The following GHR variants were observed in gnomAD, a reference collection of about 807,000 sequenced individuals.
The protein encoded by GHR is GH receptor.
Under a neutral mutation model 67.1 loss-of-function variants are expected in GHR, and 35 were observed. The ratio of observed to expected loss-of-function variants is 0.52; its 90% CI spans 0.40 to 0.69. The LOEUF is 0.69. Among genes scored for constraint, GHR ranks in the 30% least tolerant of loss-of-function variants. GHR has a pLI of 0.00. For missense variants in GHR, 792 were observed against 764.6 expected, an observed-to-expected ratio of 1.04 and a Z score of -0.42; for synonymous variants, 272 against 269.1, an observed-to-expected ratio of 1.01 and a Z score of -0.10.
chr5:42,427,277 C>A (rs767939008), intron 1 of GHR, among the ~76,000 whole-genome samples: 3 of 152,186 alleles, frequency 2.0e-5, no homozygotes, highest in Non-Finnish European at 4.4e-5. Context: ...TTAATGGATT[C>A]ACAGTTCCAC....
At chr5:42,602,092 T>C (rs1349229787) in intron 2 of GHR, among the ~76,000 whole-genome samples, 1 of 152,216 alleles carries the variant, frequency 6.6e-6, no homozygotes, top group Non-Finnish European at 1.5e-5. Context: ...GTATACAACA[T>C]GATGTTTTTT....
intron 1 of GHR, chr5:42,565,565 A>G (rs1391890277): frequency 1.0e-6 from 1 of 985,360 alleles, no homozygotes; most frequent in African/African-American, 1.7e-5. Flanking sequence ...GAAGCTGTGC[A>G]TGGGGGTCGT....
At chr5:42,511,790 C>T (rs1329987693) in intron 1 of GHR, among the ~76,000 whole-genome samples, 1 of 152,112 alleles carries the variant, frequency 6.6e-6, no homozygotes, top group African/African-American at 2.4e-5. Context: ...GCTGTTCACA[C>T]TACCCTTCGG....
intron 3 of GHR, among the ~76,000 whole-genome samples, chr5:42,652,311 G>A (rs754352290): frequency 1.6e-4 from 25 of 152,056 alleles, no homozygotes; most frequent in Non-Finnish European, 3.4e-4. Flanking sequence ...TGGTGAAGTT[G>A]ACACTTTCTG....
At position 42,511,360 on chromosome 5, in the gene GHR, ATATAT is replaced by A. The variant is rs1399488332; in HGVS notation, c.-11-54499_-11-54495del. On this transcript the variant is annotated intron_variant, in intron 1 of 9. Coordinates refer to ENST00000230882, the MANE Select transcript of GHR (RefSeq NM_000163.5). The stretch of plus-strand genomic sequence containing the variant: ...TCTCCATAGTATTTATCATCATCTG[ATATAT>A]TATAATACTCATGTATTGGCTGAAC... Among the ~76,000 whole-genome samples the A allele has an allele frequency of 3.3e-5, 5 of 152,334 alleles. No homozygotes were observed. The East Asian group carries it at 5.8e-4, about 18-fold the overall frequency.
chr5:42,458,741 C>T (rs577075453), intron 1 of GHR, among the ~76,000 whole-genome samples: 6 of 152,126 alleles, frequency 3.9e-5, no homozygotes, highest in Admixed American at 2.0e-4. Context: ...ACTATACATC[C>T]GACAAAAGTC....
chr5:42,541,800 A>G (rs977484599), intron 1 of GHR, among the ~76,000 whole-genome samples: 1 of 152,180 alleles, frequency 6.6e-6, no homozygotes, highest in African/African-American at 2.4e-5. Context: ...CTTATGGGGT[A>G]TCAGTGAAAG....
intron 1 of GHR, among the ~76,000 whole-genome samples, chr5:42,444,721 G>C (rs1428146476): frequency 6.6e-6 from 1 of 152,008 alleles, no homozygotes; most frequent in East Asian, 1.9e-4. Context: ...TTTTGTTCAT[G>C]TTATTCCCTC....
intron 2 of GHR, among the ~76,000 whole-genome samples, chr5:42,621,280 T>C (rs1381879306): frequency 6.6e-6 from 1 of 152,126 alleles, no homozygotes; most frequent in East Asian, 1.9e-4. Context: ...CCTGTTCCTT[T>C]CAGTATTCTT....
intron 5 of GHR, among the ~76,000 whole-genome samples, chr5:42,699,282 G>C (rs1050249579): frequency 9.2e-5 from 14 of 152,132 alleles, no homozygotes; most frequent in Admixed American, 5.2e-4. Flanking sequence ...GTTATATCTT[G>C]AAAGTACAGC....
chr5:42,548,416 T>G (rs1332115604), intron 1 of GHR: 1 of 984,738 alleles, frequency 1.0e-6, no homozygotes, highest in African/African-American at 1.7e-5. Flanking sequence ...TGATGTGATC[T>G]GCTTGCATAT....
intron 1 of GHR, among the ~76,000 whole-genome samples, chr5:42,460,368 G>T (rs186473106): frequency 6.6e-6 from 1 of 152,256 alleles, no homozygotes. Flanking sequence ...TTCAAATCCT[G>T]GTTCTAACTT....
intron 1 of GHR, among the ~76,000 whole-genome samples, chr5:42,487,177 T>C (rs953819516): frequency 1.2e-4 from 19 of 152,248 alleles, no homozygotes; most frequent in African/African-American, 4.3e-4. Flanking sequence ...TTAAGGACTT[T>C]GTTATGTAAG....
At chr5:42,503,839 T>C (rs1746642019) in intron 1 of GHR, among the ~76,000 whole-genome samples, 1 of 152,146 alleles carries the variant, frequency 6.6e-6, no homozygotes, top group Non-Finnish European at 1.5e-5. Context: ...ACGAGGCTTA[T>C]GGATATCTGG....
intron 2 of GHR, among the ~76,000 whole-genome samples, chr5:42,609,854 A>T (rs1354590918): frequency 1.3e-5 from 2 of 152,210 alleles, no homozygotes; most frequent in Non-Finnish European, 2.9e-5. Flanking sequence ...GTCCTCTGTC[A>T]TATGGTACAA....
intron 1 of GHR, among the ~76,000 whole-genome samples, chr5:42,442,609 A>G (rs1743627235): frequency 6.6e-6 from 1 of 152,216 alleles, no homozygotes; most frequent in Non-Finnish European, 1.5e-5. Context: ...AGACAGAAGT[A>G]TAGCAGTCAG....
chr5:42,531,694 C>T (rs1217506953), intron 1 of GHR, among the ~76,000 whole-genome samples: 1 of 152,160 alleles, frequency 6.6e-6, no homozygotes, highest in Non-Finnish European at 1.5e-5. Flanking sequence ...CCAGCTGAAT[C>T]ACATTGTAGT....
chr5:42,425,325 C>G (rs561874109), intron 1 of GHR, among the ~76,000 whole-genome samples: 78 of 152,294 alleles, frequency 5.1e-4, no homozygotes, highest in Middle Eastern at 3.4e-3. Context: ...CAGAGGTATT[C>G]AGGCTCCCTG....
Position 42,474,311 on chromosome 5 carries a change from A to AAGAAAGAAAGAAAGAAAGAAAGAAAGAG in GHR, c.-12+50383_-12+50384insGAGAAAGAAAGAAAGAAAGAAAGAAAGA, listed in dbSNP as rs1745176670. Among the ~76,000 whole-genome samples, 2 of 138,872 alleles carry AAGAAAGAAAGAAAGAAAGAAAGAAAGAG rather than the reference A, an allele frequency of 1.4e-5. 1 individual carries two copies. The highest frequency in any genetic ancestry group is 3.2e-5 in the Non-Finnish European group (2 of 62,532). The allele number at this position is 138,872 out of a possible 152,430, so 91.1% of individuals were successfully genotyped here. Reference sequence around the variant, plus strand: ...AAAGAGAAAGAGAAAGAAAGAAAGAAAGAAAGAAAGAAAGAAAGAAAGAAA... The same window carrying AAGAAAGAAAGAAAGAAAGAAAGAAAGAG: ...AAAGAGAAAGAGAAAGAAAGAAAGAAAGAAAGAAAGAAAGAAAGAAAGAAAGAGAGAAAGAAAGAAAGAAAGAAAGAAA... On this transcript the variant is annotated intron_variant, in intron 1 of 9. Coordinates refer to ENST00000230882, the MANE Select transcript of GHR (RefSeq NM_000163.5).
Sources: allele counts gnomAD v4.1 joint callset (sites outside exome capture counted in the v4.1 genomes callset), GRCh38; gene constraint gnomAD v4.1.1; transcripts MANE v1.5; gene names NCBI Gene and HGNC (gene_info 2026-07-23, HGNC 2026-07-21).